The following FBXL17 variants were observed in gnomAD, a reference collection of about 807,000 sequenced individuals.
The protein encoded by FBXL17 is F-box/LRR-repeat protein 17.
In FBXL17, 22 loss-of-function variants were observed where a neutral mutation model predicts 66.2. That is an observed-to-expected ratio of 0.33 (90% confidence interval 0.24 to 0.47). FBXL17 has a LOEUF of 0.47. Ranked by LOEUF, FBXL17 falls within the 20% of genes least tolerant of loss-of-function variation. The pLI is 1.00. For missense variants in FBXL17, 878 were observed against 948.2 expected (o/e 0.93, Z 0.97); for synonymous variants, 474 against 400.5 (o/e 1.18, Z -2.19).
At chr5:108,107,821 A>AAG (rs1749868474) in intron 6 of FBXL17, among the ~76,000 whole-genome samples, 1 of 150,740 alleles carries the variant, frequency 6.6e-6, no homozygotes. Flanking sequence ...CAAAAAAAAA[A>AAG]AAGAAAAGAA....
At chr5:107,914,566 T>C (rs1008232959) in intron 7 of FBXL17, among the ~76,000 whole-genome samples, 6 of 152,212 alleles carry the variant, frequency 3.9e-5, no homozygotes, top group African/African-American at 1.4e-4. Context: ...TAGGCCTTGA[T>C]TGGCTAAAGC....
chr5:107,955,004 T>A (rs992571630), intron 7 of FBXL17, among the ~76,000 whole-genome samples: 1 of 152,120 alleles, frequency 6.6e-6, no homozygotes, highest in African/African-American at 2.4e-5. Context: ...GAATGGAATA[T>A]GTAAAGCACT....
At chr5:108,040,984 C>T (rs1747023342) in intron 6 of FBXL17, among the ~76,000 whole-genome samples, 1 of 152,152 alleles carries the variant, frequency 6.6e-6, no homozygotes, top group Admixed American at 6.6e-5. Context: ...AGTCTGGTTT[C>T]TGTCTTGTAA....
At chr5:108,113,551 G>C (rs1314124212) in intron 6 of FBXL17, among the ~76,000 whole-genome samples, 1 of 152,184 alleles carries the variant, frequency 6.6e-6, no homozygotes, top group African/African-American at 2.4e-5. Context: ...TTATGGGCAA[G>C]TGGACAGAAA....
chr5:107,981,554 T>A (rs1166539696), intron 7 of FBXL17, among the ~76,000 whole-genome samples: 2 of 152,206 alleles, frequency 1.3e-5, no homozygotes, highest in Non-Finnish European at 2.9e-5. Context: ...GAGGTCATCA[T>A]CACCCACCCA....
chr5:108,019,347 G>A (rs1754499766), intron 7 of FBXL17, among the ~76,000 whole-genome samples: 1 of 152,064 alleles, frequency 6.6e-6, no homozygotes, highest in East Asian at 1.9e-4. Context: ...TTTTGTACTT[G>A]ATAACTTAAT....
chr5:107,919,829 C>A (rs921069052), intron 7 of FBXL17, among the ~76,000 whole-genome samples: 1 of 152,202 alleles, frequency 6.6e-6, no homozygotes, highest in Non-Finnish European at 1.5e-5. Flanking sequence ...AGATCACTTA[C>A]CAACTGATTG....
chr5:108,109,283 T>G (rs1457491591), intron 6 of FBXL17, among the ~76,000 whole-genome samples: 1 of 152,168 alleles, frequency 6.6e-6, no homozygotes, highest in South Asian at 2.1e-4. Context: ...CACATCCTTT[T>G]TCTGACCTTC....
chr5:108,171,772 G>C (rs1476648716), intron 6 of FBXL17, among the ~76,000 whole-genome samples: 1 of 152,106 alleles, frequency 6.6e-6, no homozygotes, highest in African/African-American at 2.4e-5. Context: ...ATATGGTTTG[G>C]CTGTGTCCTC....
chr5:108,329,250 T>C (rs1035968384), intron 4 of FBXL17, among the ~76,000 whole-genome samples: 1 of 152,142 alleles, frequency 6.6e-6, no homozygotes, highest in African/African-American at 2.4e-5. Context: ...AAAGTTATTC[T>C]ATAATAAAGA....
chr5:107,935,748 T>C (rs749385318), intron 7 of FBXL17, among the ~76,000 whole-genome samples: 3 of 152,100 alleles, frequency 2.0e-5, no homozygotes, highest in Non-Finnish European at 2.9e-5. Flanking sequence ...CAAGTCTGAA[T>C]AGAAATGCCA....
In FBXL17 at chr5:108,064,977, G is replaced by C. The variant is rs192226869; in HGVS notation, c.1746-43976C>G. 1.2e-3 allele frequency among the ~76,000 whole-genome samples: 184 copies of C among 151,894 alleles called. 1 individual carries two copies. The highest frequency in any genetic ancestry group is 4.1e-3 in the African/African-American group (170 of 41,452). ...GATATTTTATTTTTTTATTAAGATA[G>C]GCATTACATATAAAAGCTACAACAG... On this transcript the variant is annotated intron_variant, in intron 6 of 8. Transcript: ENST00000542267.
At chr5:107,947,795 T>G (rs1751364439) in intron 7 of FBXL17, among the ~76,000 whole-genome samples, 1 of 152,166 alleles carries the variant, frequency 6.6e-6, no homozygotes, top group Non-Finnish European at 1.5e-5. Flanking sequence ...AACGAGTGGC[T>G]TAGTAGACAT....
chr5:108,063,868 C>A (rs1037132451), intron 6 of FBXL17, among the ~76,000 whole-genome samples: 2 of 151,906 alleles, frequency 1.3e-5, no homozygotes, highest in African/African-American at 4.8e-5. Flanking sequence ...AAAAAATTTG[C>A]TTTGAATAAA....
At chr5:107,867,483 T>C (rs1006553439) in intron 8 of FBXL17, among the ~76,000 whole-genome samples, 2 of 152,234 alleles carry the variant, frequency 1.3e-5, no homozygotes, top group Non-Finnish European at 2.9e-5. Context: ...TTTCCAAAAC[T>C]TGGCAAAACC....
intron 7 of FBXL17, among the ~76,000 whole-genome samples, chr5:107,976,789 A>G (rs185336085): frequency 6.6e-6 from 1 of 152,196 alleles, no homozygotes; most frequent in Non-Finnish European, 1.5e-5. Flanking sequence ...AACAGACTTC[A>G]ATATATTAAT....
At chr5:108,263,322 GA>G (rs1276122644) in intron 4 of FBXL17, among the ~76,000 whole-genome samples, 1 of 151,748 alleles carries the variant, frequency 6.6e-6, no homozygotes, top group Non-Finnish European at 1.5e-5. Flanking sequence ...TGGATAGAAA[GA>G]AAAAAACTAT....
chr5:108,190,347 G>A (rs1230599000), intron 5 of FBXL17, among the ~76,000 whole-genome samples: 1 of 152,120 alleles, frequency 6.6e-6, no homozygotes, highest in Non-Finnish European at 1.5e-5. Context: ...TTTTGATGTG[G>A]CCACTCTTGT....
rs1358751170 is a variant in FBXL17 at position 108,316,941 on chromosome 5, C to T, written c.1506+31458G>A. On this transcript the variant is annotated intron_variant, in intron 4 of 8. Coordinates refer to ENST00000542267, the MANE Select transcript of FBXL17 (RefSeq NM_001163315.3). ...AACCAATAAAATATTATCTACTATA[C>T]CTTTTTATACAATTAACTGTGTATT... Among the ~76,000 whole-genome samples the T allele has an allele frequency of 4.6e-5, 7 of 150,896 alleles. No homozygotes were observed. The Admixed American group carries it at 4.6e-4, about 10-fold the overall frequency.
Sources: gnomAD v4.1 joint callset for allele counts (sites outside exome capture counted in the v4.1 genomes callset) on GRCh38, gnomAD v4.1.1 for gene constraint, MANE v1.5 for transcripts, NCBI Gene and HGNC (gene_info 2026-07-23, HGNC 2026-07-21) for gene names.